The following HDX variants were observed in gnomAD, a reference collection of about 807,000 sequenced individuals.
The protein encoded by HDX is highly divergent homeobox.
HDX carries 19 observed loss-of-function variants against 45.2 expected under a neutral mutation model. That is an observed-to-expected ratio of 0.42 (90% confidence interval 0.29 to 0.62). The LOEUF (loss-of-function observed/expected upper bound fraction) is 0.62, where lower values mean the gene tolerates loss of function less well. Ranked by LOEUF, HDX falls within the 20% of genes least tolerant of loss-of-function variation. The probability of loss-of-function intolerance (pLI) is 0.20; values close to 1 mark genes in which losing one functional copy is unlikely to be tolerated. For missense variants in HDX, 532 were observed against 493.9 expected, an observed-to-expected ratio of 1.08 and a Z score of -0.73; for synonymous variants, 188 against 172.8, an observed-to-expected ratio of 1.09 and a Z score of -0.69.
At chrX:84,363,132 A>G (rs1329719350) in intron 5 of HDX, among the ~76,000 whole-genome samples, 2 of 111,896 alleles carry the variant, frequency 1.8e-5, no homozygotes, top group Non-Finnish European at 3.8e-5. Flanking sequence ...AAGTACTAAT[A>G]CTAAATTACG....
chrX:84,378,761 A>G (rs926654009), intron 5 of HDX, among the ~76,000 whole-genome samples: 2 of 111,452 alleles, frequency 1.8e-5, no homozygotes, highest in Non-Finnish European at 3.8e-5. Context: ...CCACAAAACA[A>G]ACAGAAAACA....
intron 5 of HDX, among the ~76,000 whole-genome samples, chrX:84,390,482 G>A (rs767324294): frequency 1.1e-4 from 12 of 111,210 alleles, no homozygotes; most frequent in African/African-American, 3.9e-4. Context: ...CTAGAGGGTG[G>A]GCAGGGATTG....
chrX:84,490,092 G>A (rs943213291), intron 1 of HDX, among the ~76,000 whole-genome samples: 3 of 111,649 alleles, frequency 2.7e-5, no homozygotes, highest in Non-Finnish European at 5.7e-5. Context: ...TTAACTTTGT[G>A]AGTATACTGT....
At chrX:84,418,288 A>C (rs973479923) in intron 5 of HDX, among the ~76,000 whole-genome samples, 3 of 112,411 alleles carry the variant, frequency 2.7e-5, no homozygotes, top group African/African-American at 9.7e-5. Flanking sequence ...CTTAACAACA[A>C]ACTTAAAATA....
At chrX:84,335,283 T>C (rs2036936727) in intron 8 of HDX, among the ~76,000 whole-genome samples, 1 of 110,854 alleles carries the variant, frequency 9.0e-6, no homozygotes, top group African/African-American at 3.3e-5. Context: ...CAGGGAGGGA[T>C]GCACCAAAGG....
intron 5 of HDX, among the ~76,000 whole-genome samples, chrX:84,422,830 G>C (rs1053753845): frequency 1.9e-5 from 2 of 107,947 alleles, no homozygotes; most frequent in African/African-American, 6.8e-5. Flanking sequence ...CACCATGCCT[G>C]GCTAATTTTT....
At chrX:84,442,423 A>T (rs2039779762) in intron 4 of HDX, among the ~76,000 whole-genome samples, 1 of 111,004 alleles carries the variant, frequency 9.0e-6, no homozygotes, top group Admixed American at 9.6e-5. Flanking sequence ...GCAAGGAATA[A>T]GCTAAACATG....
chrX:84,354,204 A>C (rs1201927215), intron 6 of HDX, among the ~76,000 whole-genome samples: 5 of 111,761 alleles, frequency 4.5e-5, no homozygotes, highest in African/African-American at 6.5e-5. Context: ...CAAATCTAAA[A>C]ATAGTAGTGA....
intron 5 of HDX, among the ~76,000 whole-genome samples, chrX:84,438,697 A>C (rs778236723): frequency 1.8e-5 from 2 of 111,301 alleles, no homozygotes; most frequent in African/African-American, 6.5e-5. Flanking sequence ...CTCCAGCTGC[A>C]TCTATGTTGC....
chrX:84,493,026 C>T (rs2040922941), intron 1 of HDX, among the ~76,000 whole-genome samples: 1 of 110,338 alleles, frequency 9.1e-6, no homozygotes, highest in South Asian at 3.9e-4. Context: ...AATTCTCCTG[C>T]CTCAGCCTCC....
At chrX:84,463,431 A>C (rs746435100) in intron 4 of HDX, among the ~76,000 whole-genome samples, 1 of 111,337 alleles carries the variant, frequency 9.0e-6, no homozygotes, top group South Asian at 3.7e-4. Context: ...TAATAGAGAA[A>C]GTTGGAAGAC....
Position 84,434,168 on chromosome X carries a change from C to CT in HDX, c.1305+6363dup, listed in dbSNP as rs1188641535. On this transcript the variant is annotated intron_variant, in intron 5 of 10. Coordinates refer to ENST00000373177, the MANE Select transcript of HDX (RefSeq NM_001177479.2). ...AATTTGTCCTTTCCAATTTGGATGC[C>CT]TTTTTTTTTAATCTTACCTAATCAC... 4.3e-4 allele frequency among the ~76,000 whole-genome samples: 47 copies of CT among 108,507 alleles called. No homozygotes were observed. The East Asian group carries it at 5.5e-3, about 13-fold the overall frequency. 94.2% of individuals were successfully genotyped at this position (108,507 alleles called of 115,157 possible).
At position 84,333,935 on chromosome X, in the gene HDX, A is replaced by G; in HGVS notation, c.1741-93T>C. ...AAAATATGCATTCAATGTTTAGGTT[A>G]TCTAGTCTAGGTTATCTGGAATAAA... On this transcript the variant is annotated intron_variant, in intron 8 of 10. Transcript: ENST00000373177. The G allele has an allele frequency of 7.4e-6, 3 of 407,091 alleles. No homozygotes were observed. The South Asian group carries it at 1.2e-4, about 16-fold the overall frequency. The allele number at this position is 407,091 out of a possible 1,213,427, so 33.5% of individuals were successfully genotyped here. A position where few individuals can be genotyped will look rare whatever the true frequency, so the allele number is the denominator to read the frequency against.
chrX:84,320,548 A>G lies in HDX; in HGVS notation c.*1341T>C, dbSNP rs984463648. On this transcript the variant is annotated 3_prime_UTR_variant, in exon 11 of 11. Coordinates refer to ENST00000373177, the MANE Select transcript of HDX (RefSeq NM_001177479.2). ...TACCTACTAGGTACCAACAAAAATT[A>G]AAAACAAATTGGAAACAGAAACTTG... 13 of 111,283 alleles carry G rather than the reference A, an allele frequency of 1.2e-4. No homozygotes were observed. Among genetic ancestry groups the G allele is most frequent in the African/African-American group, 3.9e-4 (12 of 30,810 alleles). The allele number at this position is 111,283 out of a possible 1,213,427, so 9.2% of individuals were successfully genotyped here. A position where few individuals can be genotyped will look rare whatever the true frequency, so the allele number is the denominator to read the frequency against.
At chrX:84,364,973 A>G (rs1450106284) in intron 5 of HDX, among the ~76,000 whole-genome samples, 1 of 111,265 alleles carries the variant, frequency 9.0e-6, no homozygotes, top group Non-Finnish European at 1.9e-5. Context: ...TCCATTGTAC[A>G]TATATGAAAC....
At chrX:84,390,196 T>C (rs985716297) in intron 5 of HDX, among the ~76,000 whole-genome samples, 1 of 110,964 alleles carries the variant, frequency 9.0e-6, no homozygotes, top group Non-Finnish European at 1.9e-5. Flanking sequence ...TCCCCCATCA[T>C]TGTTTTGTTA....
chrX:84,348,519 G>T (rs751720187), intron 6 of HDX, among the ~76,000 whole-genome samples: 1 of 111,319 alleles, frequency 9.0e-6, no homozygotes, highest in Non-Finnish European at 1.9e-5. Context: ...TTGTTGTTTT[G>T]CTTTTGTTTG....
At chrX:84,455,258 A>G (rs764726944) in intron 4 of HDX, among the ~76,000 whole-genome samples, 4 of 111,984 alleles carry the variant, frequency 3.6e-5, no homozygotes, top group Non-Finnish European at 7.5e-5. Flanking sequence ...AGACAGAAAT[A>G]TGGGACCTTT....
At chrX:84,463,354 G>A (rs905010716) in intron 4 of HDX, among the ~76,000 whole-genome samples, 5 of 110,743 alleles carry the variant, frequency 4.5e-5, no homozygotes, top group East Asian at 2.8e-4. Flanking sequence ...TAAATGCCAC[G>A]ATATTTAAAG....
Sources: allele counts gnomAD v4.1 joint callset (sites outside exome capture counted in the v4.1 genomes callset), GRCh38; gene constraint gnomAD v4.1.1; transcripts MANE v1.5; gene names NCBI Gene and HGNC (gene_info 2026-07-23, HGNC 2026-07-21).